Variants in ULK4 observed in about 807,000 individuals in gnomAD.
ULK4 encodes unc-51 like kinase 4, also known as inactive serine/threonine-protein kinase ULK4.
ULK4 carries 133 observed loss-of-function variants against 160.6 expected under a neutral mutation model. That is an observed-to-expected ratio of 0.83 (90% CI 0.72 to 0.96). The LOEUF (loss-of-function observed/expected upper bound fraction) is 0.96, where lower values mean the gene tolerates loss of function less well. Ranked by LOEUF, ULK4 falls within the 40% of genes least tolerant of loss-of-function variation. The pLI is 0.00. For synonymous variants in ULK4, 534 were observed against 539.8 expected, an observed-to-expected ratio of 0.99 and a Z score of 0.15; for missense variants, 1,580 against 1,499.5, an observed-to-expected ratio of 1.05 and a Z score of -0.89.
At chr3:41,626,127 G>A (rs1305327226) in intron 30 of ULK4, among the ~76,000 whole-genome samples, 1 of 152,070 alleles carries the variant, frequency 6.6e-6, no homozygotes, top group Non-Finnish European at 1.5e-5. Context: ...AAACCATTTT[G>A]TATATCTGTG....
chr3:41,960,165 T>G (rs1700620383), intron 1 of ULK4, among the ~76,000 whole-genome samples: 1 of 152,092 alleles, frequency 6.6e-6, no homozygotes, highest in Admixed American at 6.5e-5. Context: ...ATCTTGAAAT[T>G]TTGAATTTGA....
intron 32 of ULK4, among the ~76,000 whole-genome samples, chr3:41,556,284 C>A (rs574749785): frequency 2.0e-5 from 3 of 152,158 alleles, no homozygotes; most frequent in Non-Finnish European, 4.4e-5. Flanking sequence ...TTGTTCAACT[C>A]TGTGAAAACA....
At chr3:41,470,018 GAA>G (rs71094650) in intron 32 of ULK4, among the ~76,000 whole-genome samples, 15,731 of 45,996 alleles carry the variant, frequency 0.34, 1,117 homozygotes, top group African/African-American at 0.39. Flanking sequence ...AAACAGAACA[GAA>G]AAAAAAAAAA....
At chr3:41,653,305 C>T (rs1192716975) in intron 30 of ULK4, among the ~76,000 whole-genome samples, 1 of 152,168 alleles carries the variant, frequency 6.6e-6, no homozygotes, top group Non-Finnish European at 1.5e-5. Context: ...CCTAAGCCTG[C>T]TTACCCTGTC....
intron 34 of ULK4, among the ~76,000 whole-genome samples, chr3:41,424,075 G>A (rs2082722533): frequency 6.6e-6 from 1 of 152,042 alleles, no homozygotes; most frequent in Non-Finnish European, 1.5e-5. Context: ...CATCACCGCA[G>A]CTCCAGTCTG....
intron 1 of ULK4, 132 bp from the exon 2 acceptor site, chr3:41,954,939 A>T: frequency 1.7e-6 from 1 of 595,528 alleles, no homozygotes; most frequent in East Asian, 3.1e-5. Context: ...ATTCACTTAC[A>T]AATGTTAAAT....
intron 31 of ULK4, among the ~76,000 whole-genome samples, chr3:41,592,638 G>A (rs1248507580): frequency 6.6e-6 from 1 of 152,160 alleles, no homozygotes; most frequent in Non-Finnish European, 1.5e-5. Context: ...AGTTATAAAT[G>A]TATAGAGAAG....
At chr3:41,529,153 T>G (rs910931087) in intron 32 of ULK4, among the ~76,000 whole-genome samples, 1 of 152,206 alleles carries the variant, frequency 6.6e-6, no homozygotes, top group Non-Finnish European at 1.5e-5. Flanking sequence ...ATGAGTAACT[T>G]CATGTCAAAT....
intron 34 of ULK4, among the ~76,000 whole-genome samples, chr3:41,439,523 T>C (rs1427802706): frequency 6.6e-6 from 1 of 152,188 alleles, no homozygotes; most frequent in South Asian, 2.1e-4. Context: ...TCTTGAGTGA[T>C]AACTGACATG....
At chr3:41,645,154 T>C (rs1361192410) in intron 30 of ULK4, among the ~76,000 whole-genome samples, 1 of 151,368 alleles carries the variant, frequency 6.6e-6, no homozygotes, top group East Asian at 1.9e-4. Flanking sequence ...GCTCCTGGAT[T>C]CATTAATTTT....
chr3:41,836,584 C>T (rs1322428590), intron 17 of ULK4, among the ~76,000 whole-genome samples: 1 of 152,146 alleles, frequency 6.6e-6, no homozygotes, highest in Non-Finnish European at 1.5e-5. Flanking sequence ...GCAACTGGCC[C>T]CAAGCCATCC....
At chr3:41,473,167 C>T (rs1346673366) in intron 32 of ULK4, among the ~76,000 whole-genome samples, 1 of 152,104 alleles carries the variant, frequency 6.6e-6, no homozygotes, top group African/African-American at 2.4e-5. Context: ...ACATTTTCCT[C>T]TAAGATCCAG....
chr3:41,871,187 C>G (rs1323117462), intron 17 of ULK4, among the ~76,000 whole-genome samples: 1 of 152,124 alleles, frequency 6.6e-6, no homozygotes, highest in African/African-American at 2.4e-5. Flanking sequence ...ACATACTGAT[C>G]TGTTTTCTCA....
chr3:41,353,507 T>C (rs1232886112), intron 35 of ULK4, among the ~76,000 whole-genome samples: 1 of 149,878 alleles, frequency 6.7e-6, no homozygotes, highest in African/African-American at 2.5e-5. Context: ...TCTACAAAAA[T>C]TTTTTTAAAA....
intron 30 of ULK4, among the ~76,000 whole-genome samples, chr3:41,627,647 C>A (rs1311709815): frequency 6.6e-6 from 1 of 152,208 alleles, no homozygotes; most frequent in Non-Finnish European, 1.5e-5. Context: ...GAGCTCTTGC[C>A]ATGGGCTAAT....
At chr3:41,308,444 AG>A (rs1160431585) in intron 35 of ULK4, among the ~76,000 whole-genome samples, 4 of 152,056 alleles carry the variant, frequency 2.6e-5, no homozygotes, top group Admixed American at 2.0e-4. Flanking sequence ...AAAAAAAAAA[AG>A]ATTAAGTTGA....
intron 31 of ULK4, among the ~76,000 whole-genome samples, chr3:41,586,894 A>G (rs761492338): frequency 1.3e-5 from 2 of 152,186 alleles, no homozygotes; most frequent in Non-Finnish European, 2.9e-5. Context: ...CATTGACTGG[A>G]TATTTGATAG....
chr3:41,656,137 C>T (rs1374872095), intron 30 of ULK4, among the ~76,000 whole-genome samples: 2 of 152,000 alleles, frequency 1.3e-5, no homozygotes, highest in Non-Finnish European at 2.9e-5. Flanking sequence ...TTTCTACCTT[C>T]TGTCAATGGG....
chr3:41,598,602 T>C (rs1346417360), intron 31 of ULK4, among the ~76,000 whole-genome samples: 1 of 152,142 alleles, frequency 6.6e-6, no homozygotes, highest in Non-Finnish European at 1.5e-5. Flanking sequence ...AATTCTAATC[T>C]AAGAAACATC....
Sources: allele counts gnomAD v4.1 joint callset (sites outside exome capture counted in the v4.1 genomes callset), GRCh38; gene constraint gnomAD v4.1.1; transcripts MANE v1.5; gene names NCBI Gene and HGNC (gene_info 2026-07-23, HGNC 2026-07-21).